Variants in H2AC14 observed in about 807,000 individuals in gnomAD.
H2AC14 encodes histone cluster 1, H2aj.
H2AC14 carries 6 observed loss-of-function variants against 5.7 expected under a neutral mutation model. That is an observed-to-expected ratio of 1.05 (90% CI 0.57 to 2.07). The LOEUF is 2.07. Among genes scored for constraint, H2AC14 ranks in the 30% most tolerant of loss-of-function variants. The pLI, the probability that H2AC14 is intolerant of heterozygous loss-of-function variation, is 0.00. For synonymous variants in H2AC14, 121 were observed against 79.3 expected (o/e 1.53, Z -2.80); for missense variants, 136 against 174.6 (o/e 0.78, Z 1.25).
rs765254443 is a variant in H2AC14 at position 27,814,647 on chromosome 6, G to A, written c.94C>T (p.His32Tyr). Residue 32 changes from histidine (H) to tyrosine (Y), a missense_variant, in exon 1 of 1, where the codon CAT (histidine) becomes TAT (tyrosine). This residue lies in a region of H2AC14 where 100 missense variants were observed against 152.3 expected (regional missense o/e 0.66). Transcript: ENST00000333151. ...TAGTTGCCTTTGCGGAGCAGGCGAT[G>A]CACTCGGCCTACGGGAAACTGAAGC... ...AGLQFPVGRVHRLLRKGNYAE... is the reference protein window; with the variant it reads ...AGLQFPVGRVYRLLRKGNYAE... The A allele has an allele frequency of 6.5e-6, 10 of 1,547,632 alleles. No individual in the cohort carries two copies. Among genetic ancestry groups the A allele is most frequent in the Admixed American group, 2.0e-5 (1 of 48,818 alleles).
Position 27,814,363 on chromosome 6 carries a change from C to T in H2AC14, c.378G>A (p.Lys126=), listed in dbSNP as rs1291067120. 1.2e-6 allele frequency: 2 copies of T among 1,614,072 alleles called. No individual in the cohort carries two copies. The highest frequency in any genetic ancestry group is 2.2e-5 in the East Asian group (1 of 44,888). The change falls in exon 1 of 1, where the codon AAG becomes AAA. Residue 126 remains lysine, a synonymous_variant. Transcript: ENST00000333151. ...CTTTTCAACTCGGTCTTTACTTAGT[C>T]TTGTGGTGGCTCTCAGTTTTCTTTG... ...LLPKKTESHH[K]TK
chr6:27,814,642 G>A lies in H2AC14; in HGVS notation c.99C>T (p.Arg33=). 2.6e-6 allele frequency: 4 copies of A among 1,553,334 alleles called. No individual in the cohort carries two copies. Among genetic ancestry groups the A allele is most frequent in the East Asian group, 2.3e-5 (1 of 44,402 alleles). Residue 33 remains arginine, a synonymous_variant, in exon 1 of 1, where the codon CGC becomes CGT. Transcript: ENST00000333151. ...CCGCATAGTTGCCTTTGCGGAGCAGGCGATGCACTCGGCCTACGGGAAACT... is the reference window on the plus strand; with the variant it reads ...CCGCATAGTTGCCTTTGCGGAGCAGACGATGCACTCGGCCTACGGGAAACT... ...GLQFPVGRVH[R]LLRKGNYAER... is the part of the protein sequence containing the mutation.
rs777550669 is a variant in H2AC14, at chr6:27,814,718, C to A, written c.23G>T (p.Gly8Val). The A allele has an allele frequency of 6.4e-7, 1 of 1,566,480 alleles. No individual in the cohort carries two copies. Among genetic ancestry groups the A allele is most frequent in the Non-Finnish European group, 8.6e-7 (1 of 1,158,036 alleles). The change falls in exon 1 of 1, where the codon GGA (glycine) becomes GTA (valine). Residue 8 changes from glycine (G) to valine (V), a missense_variant. By Grantham distance (109) the Gly-to-Val change is moderately radical. Around this residue, in one of 2 missense-constraint regions of H2AC14, gnomAD observed 36 missense variants for 22.3 expected, o/e 1.62. Coordinates refer to ENST00000333151, the MANE Select transcript of H2AC14 (RefSeq NM_021066.3). Reference protein sequence around the residue: MSGRGKQGGKARAKAKTR... With the variant: MSGRGKQVGKARAKAKTR... ...CTTGGCCTTGGCGCGAGCTTTGCCTCCCTGCTTACCACGCCCAGACATGGC... is the reference window on the plus strand; with the variant it reads ...CTTGGCCTTGGCGCGAGCTTTGCCTACCTGCTTACCACGCCCAGACATGGC...
chr6:27,814,419 C>T lies in H2AC14; in HGVS notation c.322G>A (p.Val108Ile). ...LGKVTIAQGG[V>I]LPNIQAVLLP... Reference sequence around the variant, plus strand: ...AGCACGGCCTGGATGTTGGGCAGGACGCCACCCTGTGCGATGGTGACTTTG... The same window carrying T: ...AGCACGGCCTGGATGTTGGGCAGGATGCCACCCTGTGCGATGGTGACTTTG... Residue 108 changes from valine to isoleucine, a missense_variant, in exon 1 of 1, where the codon GTC becomes ATC. By Grantham distance (29) the Val-to-Ile change is conservative (BLOSUM62 3). This residue lies in a region of H2AC14 where 100 missense variants were observed against 152.3 expected (regional missense o/e 0.66). Transcript: ENST00000333151. The T allele has an allele frequency of 6.2e-7, 1 of 1,614,146 alleles. No homozygotes were observed. The highest frequency in any genetic ancestry group is 8.5e-7 in the Non-Finnish European group (1 of 1,180,022).
rs746680206 is a variant in H2AC14 at position 27,814,420 on chromosome 6, G to A, written c.321C>T (p.Gly107=). Residue 107 remains glycine (G), a synonymous_variant, in exon 1 of 1, where the codon GGC becomes GGT. Transcript: ENST00000333151. ...LLGKVTIAQG[G]VLPNIQAVLL... is the part of the protein sequence containing the mutation. Reference sequence around the variant, plus strand: ...GCACGGCCTGGATGTTGGGCAGGACGCCACCCTGTGCGATGGTGACTTTGC... The same window carrying A: ...GCACGGCCTGGATGTTGGGCAGGACACCACCCTGTGCGATGGTGACTTTGC... The A allele has an allele frequency of 9.9e-6, 16 of 1,614,126 alleles. No homozygotes were observed. The highest frequency in any genetic ancestry group is 1.4e-5 in the Non-Finnish European group (16 of 1,180,020).
Position 27,814,633 on chromosome 6 carries a change from G to A in H2AC14, c.108C>T (p.Arg36=). The change falls in exon 1 of 1, where the codon CGC becomes CGT. Residue 36 remains arginine, a synonymous_variant. Transcript: ENST00000333151. ...FPVGRVHRLL[R]KGNYAERVGA... is the part of the protein sequence containing the mutation. ...CGACCCGCTCCGCATAGTTGCCTTT[G>A]CGGAGCAGGCGATGCACTCGGCCTA... 3.8e-6 allele frequency: 6 copies of A among 1,560,372 alleles called. No homozygotes were observed. The highest frequency in any genetic ancestry group is 5.2e-6 in the Non-Finnish European group (6 of 1,153,624).
At position 27,814,551 on chromosome 6, in the gene H2AC14, G is replaced by A. The variant is rs767679934; in HGVS notation, c.190C>T (p.Leu64=). 21 of 1,608,048 alleles carry A rather than the reference G, an allele frequency of 1.3e-5. No individual in the cohort carries two copies. The African/African-American group carries it at 2.5e-4, about 19-fold the overall frequency. The stretch of plus-strand genomic sequence containing the variant: ...CGGGCCGCGTTGCCAGCCAGCTCCA[G>A]GATCTCGGCGGTCAGGTACTCCAGC... ...AVLEYLTAEI[L]ELAGNAARDN... The change falls in exon 1 of 1, where the codon CTG becomes TTG. Residue 64 remains leucine (L), a synonymous_variant. Coordinates refer to ENST00000333151, the MANE Select transcript of H2AC14 (RefSeq NM_021066.3).
At position 27,814,598 on chromosome 6, in the gene H2AC14, G is replaced by A. The variant is rs200522974; in HGVS notation, c.143C>T (p.Ala48Val). 2.3e-5 allele frequency: 37 copies of A among 1,592,980 alleles called. No homozygotes were observed. In the Admixed American group the frequency reaches 3.5e-4, roughly 15 times the overall value. Residue 48 changes from alanine to valine, a missense_variant, in exon 1 of 1, where the codon GCG (alanine) becomes GTG (valine). Physicochemically the swap from Ala to Val is moderately conservative, Grantham distance 64 (BLOSUM62 0). This residue lies in a region of H2AC14 where 100 missense variants were observed against 152.3 expected (regional missense o/e 0.66). Transcript: ENST00000333151. ...CAGCACCGCCGCCAGGTACACCGGC[G>A]CTCCAGCACCGACCCGCTCCGCATA... The part of the protein sequence containing the change: ...GNYAERVGAG[A>V]PVYLAAVLEY...
In H2AC14 at chr6:27,814,709, G is replaced by A. The variant is rs754610695; in HGVS notation, c.32C>T (p.Ala11Val). The A allele has an allele frequency of 6.4e-6, 10 of 1,564,016 alleles. No individual in the cohort carries two copies. Among genetic ancestry groups the A allele is most frequent in the South Asian group, 3.6e-5 (3 of 83,414 alleles). MSGRGKQGGK[A>V]RAKAKTRSSR... ...AGAGCGGGTCTTGGCCTTGGCGCGA[G>A]CTTTGCCTCCCTGCTTACCACGCCC... The change falls in exon 1 of 1, where the codon GCT becomes GTT. Residue 11 changes from alanine (A) to valine (V), a missense_variant. By Grantham distance (64) the Ala-to-Val change is moderately conservative. Coordinates refer to ENST00000333151, the MANE Select transcript of H2AC14 (RefSeq NM_021066.3).
rs1272026599 is a variant in H2AC14 at position 27,814,651 on chromosome 6, TCGGCC to T, written c.85_89del (p.Gly29SerfsTer62). On this transcript the variant is annotated frameshift_variant, in exon 1 of 1. Coordinates refer to ENST00000333151, the MANE Select transcript of H2AC14 (RefSeq NM_021066.3). LOFTEE classifies it high-confidence loss of function. ...TGCCTTTGCGGAGCAGGCGATGCAC[TCGGCC>T]TACGGGAAACTGAAGCCCGGCCCGA... is the stretch of plus-strand genomic sequence containing the variant. 1 of 1,544,818 alleles carries T rather than the reference TCGGCC, an allele frequency of 6.5e-7. No individual in the cohort carries two copies. Among genetic ancestry groups the T allele is most frequent in the Non-Finnish European group, 8.7e-7 (1 of 1,148,356 alleles).
At position 27,814,468 on chromosome 6, in the gene H2AC14, A is replaced by G. The variant is rs763982404; in HGVS notation, c.273T>C (p.Asp91=). ...TGCCCAGAAGCTTGTTGAGCTCCTC[A>G]TCGTTGCGGATGGCCAGCTGGAGGT... ...PRHLQLAIRN[D]EELNKLLGKV... is the part of the protein sequence containing the mutation. Residue 91 remains aspartate (D), a synonymous_variant, in exon 1 of 1, where the codon GAT becomes GAC. Coordinates refer to ENST00000333151, the MANE Select transcript of H2AC14 (RefSeq NM_021066.3). The G allele has an allele frequency of 1.9e-6, 3 of 1,613,492 alleles. No individual in the cohort carries two copies. Among genetic ancestry groups the G allele is most frequent in the Non-Finnish European group, 2.5e-6 (3 of 1,179,674 alleles).
chr6:27,814,774 G>A lies in H2AC14; in HGVS notation c.-34C>T, dbSNP rs530041027. The A allele has an allele frequency of 2.6e-5, 40 of 1,522,254 alleles. No individual in the cohort carries two copies. The highest frequency in any genetic ancestry group is 2.5e-4 in the East Asian group (11 of 44,122). The allele number at this position is 1,522,254 out of a possible 1,614,324, so 94.3% of individuals were successfully genotyped here. A position where few individuals can be genotyped will look rare whatever the true frequency, so the allele number is the denominator to read the frequency against. On this transcript the variant is annotated 5_prime_UTR_variant, in exon 1 of 1. Coordinates refer to ENST00000333151, the MANE Select transcript of H2AC14 (RefSeq NM_021066.3). ...GTCTATTACCTTTACGGTCAAGAAAGACTGAAATGAAATTGGAAAAACGTA... is the reference window on the plus strand; with the variant it reads ...GTCTATTACCTTTACGGTCAAGAAAAACTGAAATGAAATTGGAAAAACGTA...
In H2AC14 at chr6:27,814,437, T is replaced by A; in HGVS notation, c.304A>T (p.Thr102Ser). 1 of 1,614,076 alleles carries A rather than the reference T, an allele frequency of 6.2e-7. No homozygotes were observed. Among genetic ancestry groups the A allele is most frequent in the South Asian group, 1.1e-5 (1 of 91,086 alleles). ...EELNKLLGKV[T>S]IAQGGVLPNI... ...GGCAGGACGCCACCCTGTGCGATGGTGACTTTGCCCAGAAGCTTGTTGAGC... is the reference window on the plus strand; with the variant it reads ...GGCAGGACGCCACCCTGTGCGATGGAGACTTTGCCCAGAAGCTTGTTGAGC... Residue 102 changes from threonine to serine, a missense_variant, in exon 1 of 1, where the codon ACC becomes TCC. Coordinates refer to ENST00000333151, the MANE Select transcript of H2AC14 (RefSeq NM_021066.3).
At position 27,814,477 on chromosome 6, in the gene H2AC14, G is replaced by A. The variant is rs1201545069; in HGVS notation, c.264C>T (p.Ile88=). ...RIIPRHLQLA[I]RNDEELNKLL... ...GCTTGTTGAGCTCCTCATCGTTGCG[G>A]ATGGCCAGCTGGAGGTGACGCGGGA... Residue 88 remains isoleucine (I), a synonymous_variant, in exon 1 of 1, where the codon ATC becomes ATT. Coordinates refer to ENST00000333151, the MANE Select transcript of H2AC14 (RefSeq NM_021066.3). The A allele has an allele frequency of 1.9e-6, 3 of 1,613,464 alleles. No individual in the cohort carries two copies. Among genetic ancestry groups the A allele is most frequent in the Non-Finnish European group, 2.5e-6 (3 of 1,179,668 alleles).
In H2AC14 at chr6:27,814,763, C is replaced by A; in HGVS notation, c.-23G>T. On this transcript the variant is annotated 5_prime_UTR_variant, in exon 1 of 1. Transcript: ENST00000333151. ...CATGGCAAAAGGTCTATTACCTTTA[C>A]GGTCAAGAAAGACTGAAATGAAATT... 1 of 1,527,878 alleles carries A rather than the reference C, an allele frequency of 6.5e-7. No individual in the cohort carries two copies. The highest frequency in any genetic ancestry group is 8.8e-7 in the Non-Finnish European group (1 of 1,140,334). The allele number at this position is 1,527,878 out of a possible 1,614,324, so 94.6% of individuals were successfully genotyped here. A position where few individuals can be genotyped will look rare whatever the true frequency, so the allele number is the denominator to read the frequency against.
Sources: allele counts gnomAD v4.1 joint callset, GRCh38; gene constraint gnomAD v4.1.1; regional missense constraint gnomAD v4.1.1; transcripts MANE v1.5; gene names NCBI Gene and HGNC (gene_info 2026-07-23, HGNC 2026-07-21).